MACF1: variants seen among roughly 807,000 people sequenced by gnomAD.
MACF1 encodes the protein microtubule-actin cross-linking factor 1.
In MACF1, 193 loss-of-function variants were observed where a neutral mutation model predicts 854.8. The ratio of observed to expected loss-of-function variants is 0.23; its 90% confidence interval spans 0.20 to 0.25. The LOEUF (loss-of-function observed/expected upper bound fraction) is 0.25. MACF1 is among the 10% of genes least tolerant of loss of function. MACF1 has a pLI of 1.00. For synonymous variants in MACF1, 3,185 were observed against 3,226.7 expected (o/e 0.99, Z 0.44); for missense variants, 7,722 against 8,929.1 (o/e 0.86, Z 5.45).
At chr1:39,322,542 T>C in intron 31 of MACF1, 66 bp from the exon 32 acceptor site, 1 of 1,348,954 alleles carries the variant, frequency 7.4e-7, no homozygotes, top group Non-Finnish European at 1.1e-6. Context: ...AAAGCTATGA[T>C]TTATTACATG....
In MACF1 at chr1:39,296,225, G is replaced by A. The variant is rs138541139; in HGVS notation, c.2355+343G>A. 6.6e-5 allele frequency among the ~76,000 whole-genome samples: 10 copies of A among 152,242 alleles called. No homozygotes were observed. The East Asian group carries it at 1.5e-3, about 24-fold the overall frequency. ...CAGCAGCTTTCTTCACAAAGTGGCT[G>A]TGTTTCATAAGCAGCAAGAGAGAGC... is the stretch of plus-strand genomic sequence containing the variant. On this transcript the variant is annotated intron_variant, in intron 20 of 100. Coordinates refer to ENST00000564288, the MANE Select transcript of MACF1 (RefSeq NM_001394062.1).
At chr1:39,214,799 A>G (rs1043096923) in intron 1 of MACF1, among the ~76,000 whole-genome samples, 2 of 152,136 alleles carry the variant, frequency 1.3e-5, no homozygotes, top group African/African-American at 2.4e-5. Context: ...CTCTCCCATC[A>G]TGAGACCTTC....
chr1:39,256,244 T>C lies in MACF1; in HGVS notation c.436-1692T>C, dbSNP rs562331416. On this transcript the variant is annotated intron_variant, in intron 5 of 100. Transcript: ENST00000564288. ...TGGCCAAGGGAGGTAGACTTCACAA[T>C]GAAAGGGGAAGGCTGACAGAGGTAG... Among the ~76,000 whole-genome samples, 4 of 152,010 alleles carry C rather than the reference T, an allele frequency of 2.6e-5. No individual in the cohort carries two copies. In the South Asian group the frequency reaches 8.3e-4, roughly 32 times the overall value.
chr1:39,170,425 T>A (rs931698654), intron 2 of MACF1, among the ~76,000 whole-genome samples: 1 of 152,214 alleles, frequency 6.6e-6, no homozygotes, highest in Non-Finnish European at 1.5e-5. Context: ...CTACCATGTG[T>A]GCTGTGCTCT....
chr1:39,152,945 C>T (rs1643613637), intron 2 of MACF1, among the ~76,000 whole-genome samples: 1 of 152,016 alleles, frequency 6.6e-6, no homozygotes, highest in Non-Finnish European at 1.5e-5. Context: ...AGCCAGTAAG[C>T]ACTTTTCTTC....
intron 58 of MACF1, among the ~76,000 whole-genome samples, chr1:39,393,823 AAGAC>A (rs1006123584): frequency 9.4e-5 from 14 of 149,052 alleles, no homozygotes; most frequent in African/African-American, 3.0e-4. Context: ...AAAAGAAAGA[AAGAC>A]AGAGAGAGAG....
chr1:39,484,637 A>G lies in MACF1; in HGVS notation c.22318A>G (p.Thr7440Ala). 6.2e-7 allele frequency: 1 copy of G among 1,614,056 alleles called. No individual in the cohort carries two copies. The highest frequency in any genetic ancestry group is 1.7e-5 in the Admixed American group (1 of 60,016). The part of the protein sequence containing the change: ...PSSGSKLKRP[T>A]PTFHSSRTSL... The stretch of plus-strand genomic sequence containing the variant: ...ATCAGGTAGCAAGTTGAAACGACCA[A>G]CACCAACTTTTCATTCTAGTCGGAC... Residue 7440 changes from threonine to alanine, a missense_variant, in exon 100 of 101, where the codon ACA becomes GCA. By Grantham distance (58) the Thr-to-Ala change is moderately conservative. Coordinates refer to ENST00000564288, the MANE Select transcript of MACF1 (RefSeq NM_001394062.1).
intron 2 of MACF1, among the ~76,000 whole-genome samples, chr1:39,165,415 T>A (rs1643872318): frequency 6.6e-6 from 1 of 152,342 alleles, no homozygotes; most frequent in East Asian, 1.9e-4. Flanking sequence ...TGTATACTTT[T>A]TAGGCTTACT....
chr1:39,121,606 C>T (rs6684217), intron 2 of MACF1, among the ~76,000 whole-genome samples: 107,975 of 152,010 alleles, frequency 0.71, 38,463 homozygotes, highest in South Asian at 0.83. Flanking sequence ...GCCACCACTC[C>T]GGGCTAACTT....
At chr1:39,239,285 AAACAAAC>A (rs1644894571) in intron 2 of MACF1, among the ~76,000 whole-genome samples, 1 of 23,500 alleles carries the variant, frequency 4.3e-5, no homozygotes, top group South Asian at 4.1e-3. Flanking sequence ...TGTCTCAAAA[AAACAAAC>A]AAACAAACAA....
At position 39,388,080 on chromosome 1, in the gene MACF1, G is replaced by T; in HGVS notation, c.15238G>T (p.Ala5080Ser). The T allele has an allele frequency of 6.2e-7, 1 of 1,614,082 alleles. No homozygotes were observed. Among genetic ancestry groups the T allele is most frequent in the Non-Finnish European group, 8.5e-7 (1 of 1,180,024 alleles). The change falls in exon 58 of 101, where the codon GCC becomes TCC. Residue 5080 changes from alanine to serine, a missense_variant. This residue lies in a region of MACF1 where 2,807 missense variants were observed against 3,235.8 expected (regional missense o/e 0.87). Coordinates refer to ENST00000564288, the MANE Select transcript of MACF1 (RefSeq NM_001394062.1). ...CTTTACTCAGGGTCTGGTAGAAGATGCCCCAGATGGATCTGATGCTTCTCA... is the reference window on the plus strand; with the variant it reads ...CTTTACTCAGGGTCTGGTAGAAGATTCCCCAGATGGATCTGATGCTTCTCA... Reference protein sequence around the residue: ...RNFTQGLVEDAPDGSDASQLL... With the variant: ...RNFTQGLVEDSPDGSDASQLL...
At chr1:39,106,909 C>T (rs1642256902) in intron 2 of MACF1, among the ~76,000 whole-genome samples, 1 of 149,908 alleles carries the variant, frequency 6.7e-6, no homozygotes, top group African/African-American at 2.5e-5. Context: ...TTTGCTTGTT[C>T]CCTCTGCATC....
chr1:39,478,074 C>G (rs528576524), intron 97 of MACF1, among the ~76,000 whole-genome samples: 1 of 144,564 alleles, frequency 6.9e-6, no homozygotes, highest in South Asian at 2.2e-4. Context: ...ACGATCTCGG[C>G]TCACTGCAGC....
intron 27 of MACF1, 88 bp downstream of exon 27, chr1:39,315,779 A>G (rs1416232537): frequency 1.5e-6 from 2 of 1,305,140 alleles, no homozygotes; most frequent in Admixed American, 2.2e-5. Context: ...TGAATAATAC[A>G]GAGAGATTAT....
chr1:39,371,536 A>T (rs61779280), intron 51 of MACF1, among the ~76,000 whole-genome samples: 1,598 of 152,218 alleles, frequency 0.01, 67 homozygotes, highest in Admixed American at 0.066. Context: ...AAATCCTACA[A>T]CTATGGCAGG....
chr1:39,126,107 C>G (rs4660443), intron 2 of MACF1, among the ~76,000 whole-genome samples: 2 of 152,048 alleles, frequency 1.3e-5, no homozygotes, highest in Non-Finnish European at 2.9e-5. Context: ...ATAACAATAA[C>G]GAAGTACCAC....
At chr1:39,246,713 T>C (rs1374845167) in intron 2 of MACF1, among the ~76,000 whole-genome samples, 1 of 151,896 alleles carries the variant, frequency 6.6e-6, no homozygotes, top group Non-Finnish European at 1.5e-5. Context: ...TTTCACCATA[T>C]TGGCCAGACT....
chr1:39,411,015 G>A, intron 58 of MACF1: 1 of 1,613,998 alleles, frequency 6.2e-7, no homozygotes, highest in Non-Finnish European at 8.5e-7. Flanking sequence ...ATGTAATGCA[G>A]GAATCCAGAT....
chr1:39,454,331 A>G (rs1044781120), intron 88 of MACF1, among the ~76,000 whole-genome samples: 4 of 152,182 alleles, frequency 2.6e-5, no homozygotes, highest in Non-Finnish European at 4.4e-5. Flanking sequence ...GGCCTTGAGT[A>G]TGCATGGATT....
Sources: gnomAD v4.1 joint callset for allele counts (sites outside exome capture counted in the v4.1 genomes callset) on GRCh38, gnomAD v4.1.1 for gene constraint, gnomAD v4.1.1 regional missense constraint, MANE v1.5 for transcripts, NCBI Gene and HGNC (gene_info 2026-07-23, HGNC 2026-07-21) for gene names.